Variants in SH3GLB1 observed in about 807,000 individuals in gnomAD.
SH3GLB1 encodes the protein endophilin-B1.
Under a neutral mutation model 42.0 loss-of-function variants are expected in SH3GLB1, and 17 were observed. The ratio of observed to expected loss-of-function variants is 0.40; its 90% CI spans 0.28 to 0.61. The LOEUF (loss-of-function observed/expected upper bound fraction) is 0.61, where lower values mean the gene tolerates loss of function less well. Among genes scored for constraint, SH3GLB1 ranks in the 20% least tolerant of loss-of-function variants. SH3GLB1 has a pLI of 0.36. For missense variants in SH3GLB1, 355 were observed against 426.3 expected, an observed-to-expected ratio of 0.83 and a Z score of 1.47; for synonymous variants, 132 against 146.6, an observed-to-expected ratio of 0.90 and a Z score of 0.72.
At chr1:86,722,201 T>A (rs1654905083) in intron 3 of SH3GLB1, among the ~76,000 whole-genome samples, 1 of 151,230 alleles carries the variant, frequency 6.6e-6, no homozygotes. Flanking sequence ...TGATCGTGGT[T>A]GGTTGAATCC....
intron 7 of SH3GLB1, among the ~76,000 whole-genome samples, chr1:86,737,119 TATC>T (rs1475751176): frequency 1.3e-5 from 2 of 152,194 alleles, no homozygotes; most frequent in African/African-American, 4.8e-5. Context: ...GTACTATTAT[TATC>T]CATATTTTAA....
chr1:86,734,256 A>G (rs1237912535), intron 5 of SH3GLB1: 1 of 164,248 alleles, frequency 6.1e-6, no homozygotes, highest in African/African-American at 2.4e-5. Context: ...GGTCATCTTA[A>G]AATTTTGTAA....
intron 2 of SH3GLB1, 150 bp downstream of exon 2, chr1:86,716,015 A>C: frequency 1.4e-6 from 1 of 724,274 alleles, no homozygotes. Context: ...TTTTGTGAAG[A>C]GGAAGTGATA....
intron 2 of SH3GLB1, 77 bp downstream of exon 2, chr1:86,715,942 C>A: frequency 6.9e-7 from 1 of 1,438,996 alleles, no homozygotes; most frequent in Non-Finnish European, 9.4e-7. Flanking sequence ...GTTTTAATGG[C>A]CATCTGAAAA....
chr1:86,745,101 A>G lies in SH3GLB1; in HGVS notation c.*1866A>G, dbSNP rs1437831911. 1 of 152,220 alleles carries G rather than the reference A, an allele frequency of 6.6e-6. No homozygotes were observed. The highest frequency in any genetic ancestry group is 2.1e-4 in the South Asian group (1 of 4,834). 9.4% of individuals were successfully genotyped at this position (152,220 alleles called of 1,614,324 possible). On this transcript the variant is annotated 3_prime_UTR_variant, in exon 9 of 9. Transcript: ENST00000370558. Reference sequence around the variant, plus strand: ...GCAACTATGAATTAGGTTTATGGGAAATGTAGTAATACAGGGGAAAGAATA... The same window carrying G: ...GCAACTATGAATTAGGTTTATGGGAGATGTAGTAATACAGGGGAAAGAATA...
At chr1:86,731,187 G>A (rs891456913) in intron 5 of SH3GLB1, among the ~76,000 whole-genome samples, 3 of 152,180 alleles carry the variant, frequency 2.0e-5, no homozygotes, top group African/African-American at 7.2e-5. Context: ...TGTTTCAAAT[G>A]CTTTTTTAAG....
chr1:86,724,020 G>A (rs1372053504), intron 4 of SH3GLB1, among the ~76,000 whole-genome samples: 9 of 152,078 alleles, frequency 5.9e-5, no homozygotes, highest in East Asian at 3.9e-4. Flanking sequence ...AAATGTTCCC[G>A]AGGCAGGGAC....
chr1:86,704,711 G>C lies in SH3GLB1; in HGVS notation c.-189G>C, dbSNP rs1323615586. The C allele has an allele frequency of 4.4e-6, 2 of 458,936 alleles. No individual in the cohort carries two copies. The highest frequency in any genetic ancestry group is 1.2e-3 in the Middle Eastern group (2 of 1,736). The allele number at this position is 458,936 out of a possible 1,614,324, so 28.4% of individuals were successfully genotyped here. A position where few individuals can be genotyped will look rare whatever the true frequency, so the allele number is the denominator to read the frequency against. The stretch of plus-strand genomic sequence containing the variant: ...TCCTTGGCGCTGCCGCCGCGCGCTT[G>C]TTCTCCTCCCTCGCCCCGCCTTCAT... On this transcript the variant is annotated 5_prime_UTR_variant, in exon 1 of 9. Transcript: ENST00000370558.
intron 7 of SH3GLB1, among the ~76,000 whole-genome samples, chr1:86,736,460 T>C (rs549070473): frequency 6.6e-6 from 1 of 152,216 alleles, no homozygotes; most frequent in Non-Finnish European, 1.5e-5. Context: ...CAGGAGCATT[T>C]ACATAACTAT....
intron 8 of SH3GLB1, 71 bp downstream of exon 8, chr1:86,742,507 C>A: frequency 5.4e-6 from 6 of 1,105,558 alleles, no homozygotes; most frequent in South Asian, 4.3e-5. Context: ...TAACAAAATG[C>A]AAATTCCTCA....
At chr1:86,706,969 T>C (rs775358904) in intron 1 of SH3GLB1, among the ~76,000 whole-genome samples, 13 of 152,228 alleles carry the variant, frequency 8.5e-5, no homozygotes, top group Non-Finnish European at 1.6e-4. Flanking sequence ...TTCTTTTCAG[T>C]TTTAAATATT....
In SH3GLB1 at chr1:86,742,304, A is replaced by G; in HGVS notation, c.858A>G (p.Ser286=). The G allele has an allele frequency of 6.2e-7, 1 of 1,614,140 alleles. No individual in the cohort carries two copies. Among genetic ancestry groups the G allele is most frequent in the South Asian group, 1.1e-5 (1 of 91,076 alleles). The change falls in exon 8 of 9, where the codon TCA becomes TCG. Residue 286 remains serine (S), a synonymous_variant. Transcript: ENST00000370558. ...CGATTGGTTCTTCTGCCATGGCTTC[A>G]ACAAGTGGCCTAGTAATCACCTCTC... The part of the protein sequence containing the change: ...PNAIGSSAMA[S]TSGLVITSPS...
At chr1:86,710,501 G>C (rs1654147047) in intron 1 of SH3GLB1, among the ~76,000 whole-genome samples, 5 of 152,128 alleles carry the variant, frequency 3.3e-5, no homozygotes, top group Admixed American at 3.3e-4. Context: ...CTGATCTCAG[G>C]TGATCCACCC....
intron 1 of SH3GLB1, among the ~76,000 whole-genome samples, chr1:86,714,423 C>A (rs565873673): frequency 4.5e-4 from 69 of 152,222 alleles, no homozygotes; most frequent in South Asian, 1.5e-3. Context: ...TTGGTTCTAC[C>A]CACTAGGTCA....
In SH3GLB1 at chr1:86,741,266, C is replaced by T. The variant is rs148038606; in HGVS notation, c.762-942C>T. Among the ~76,000 whole-genome samples, 865 of 152,052 alleles carry T rather than the reference C, an allele frequency of 5.7e-3. 7 individuals carry two copies. Among genetic ancestry groups the T allele is most frequent in the African/African-American group, 0.019 (805 of 41,488 alleles). Reference sequence around the variant, plus strand: ...AATGATTTCCAGATGGTATAGTGCTCGTGAAGAGAAAAGAGGACTTTTCTA... The same window carrying T: ...AATGATTTCCAGATGGTATAGTGCTTGTGAAGAGAAAAGAGGACTTTTCTA... On this transcript the variant is annotated intron_variant, in intron 7 of 8. Transcript: ENST00000370558.
At chr1:86,706,918 A>T (rs536798340) in intron 1 of SH3GLB1, among the ~76,000 whole-genome samples, 49 of 152,086 alleles carry the variant, frequency 3.2e-4, no homozygotes, top group African/African-American at 1.2e-3. Flanking sequence ...TTTAGGAAAA[A>T]GTTTTAAATT....
intron 2 of SH3GLB1, 62 bp downstream of exon 2, chr1:86,715,927 A>G: frequency 6.5e-7 from 1 of 1,535,652 alleles, no homozygotes; most frequent in Admixed American, 2.5e-5. Context: ...ATGTTAAAAA[A>G]AAAAGTTTTA....
At chr1:86,724,912 T>TATATATATATATATATATAA (rs1380448898) in intron 5 of SH3GLB1, among the ~76,000 whole-genome samples, 19 of 123,090 alleles carry the variant, frequency 1.5e-4, no homozygotes, top group African/African-American at 6.1e-4. Flanking sequence ...TATATATATA[T>TATATATATATATATATATAA]AAAATATATA....
chr1:86,743,271 T>C lies in SH3GLB1; in HGVS notation c.*36T>C. 2 of 1,412,844 alleles carry C rather than the reference T, an allele frequency of 1.4e-6. No homozygotes were observed. The highest frequency in any genetic ancestry group is 2.6e-5 in the South Asian group (2 of 78,184). The allele number at this position is 1,412,844 out of a possible 1,614,324, so 87.5% of individuals were successfully genotyped here. On this transcript the variant is annotated 3_prime_UTR_variant, in exon 9 of 9. Coordinates refer to ENST00000370558, the MANE Select transcript of SH3GLB1 (RefSeq NM_016009.5). ...TATGGAAAGGTTGCCCATCATGACTTTGTATTTATATACAATTAACTCTAA... is the reference window on the plus strand; with the variant it reads ...TATGGAAAGGTTGCCCATCATGACTCTGTATTTATATACAATTAACTCTAA...
Sources: allele counts gnomAD v4.1 joint callset (sites outside exome capture counted in the v4.1 genomes callset), GRCh38; gene constraint gnomAD v4.1.1; transcripts MANE v1.5; gene names NCBI Gene and HGNC (gene_info 2026-07-23, HGNC 2026-07-21).